The following CHD2 variants were observed in gnomAD, a reference collection of about 807,000 sequenced individuals.
The protein encoded by CHD2 is ATP-dependent chromatin remodeler CHD2.
A neutral mutation model predicts 243.9 loss-of-function variants in CHD2; 28 were observed. The observed-to-expected ratio is 0.11, with a 90% confidence interval of 0.09 to 0.16. CHD2 has a LOEUF of 0.16. Ranked by LOEUF, CHD2 falls within the 10% of genes least tolerant of loss-of-function variation. CHD2 has a pLI of 1.00. For synonymous variants in CHD2, 775 were observed against 779.0 expected, an observed-to-expected ratio of 0.99 and a Z score of 0.09; for missense variants, 1,386 against 2,209.8, an observed-to-expected ratio of 0.63 and a Z score of 7.47.
chr15:92,982,396 G>A (rs2141848270), intron 24 of CHD2, among the ~76,000 whole-genome samples: 1 of 152,348 alleles, frequency 6.6e-6, no homozygotes, highest in Middle Eastern at 3.4e-3. Context: ...GGAGTCAGCT[G>A]AATTGAGATG....
At chr15:92,937,317 T>G (rs530267048) in intron 5 of CHD2, among the ~76,000 whole-genome samples, 4 of 152,320 alleles carry the variant, frequency 2.6e-5, no homozygotes, top group African/African-American at 9.6e-5. Context: ...TTTTTGTTAC[T>G]GGAGATAAAA....
At chr15:92,911,938 C>G (rs1250009769) in intron 2 of CHD2, among the ~76,000 whole-genome samples, 1 of 152,166 alleles carries the variant, frequency 6.6e-6, no homozygotes, top group Non-Finnish European at 1.5e-5. Context: ...GTTCAAAAGG[C>G]CATGACTCTA....
chr15:92,902,169 G>A (rs1596360356), intron 2 of CHD2: 5 of 397,776 alleles, frequency 1.3e-5, no homozygotes, highest in Admixed American at 4.4e-5. Context: ...GATGTATTTC[G>A]ACAGAGTCGT....
chr15:92,903,018 G>A (rs1360866983), intron 2 of CHD2, among the ~76,000 whole-genome samples: 1 of 152,186 alleles, frequency 6.6e-6, no homozygotes, highest in Non-Finnish European at 1.5e-5. Context: ...AGCATGTACT[G>A]ACTGTACTTT....
At chr15:92,951,893 A>C (rs542146161) in intron 13 of CHD2, among the ~76,000 whole-genome samples, 1 of 152,282 alleles carries the variant, frequency 6.6e-6, no homozygotes, top group African/African-American at 2.4e-5. Context: ...CACAGAAGGT[A>C]TTTTTAGAAA....
intron 21 of CHD2, 33 bp from the exon 22 acceptor site, chr15:92,979,102 C>G: frequency 6.2e-7 from 1 of 1,606,722 alleles, no homozygotes; most frequent in South Asian, 1.1e-5. Flanking sequence ...GGGGGTGGTT[C>G]AGGCATAAGC....
At chr15:93,006,016 T>C (rs1307615843) in intron 34 of CHD2, among the ~76,000 whole-genome samples, 3 of 152,104 alleles carry the variant, frequency 2.0e-5, no homozygotes, top group African/African-American at 4.8e-5. Flanking sequence ...CATTGATAAA[T>C]ATACCATGAA....
intron 26 of CHD2, chr15:92,991,217 G>A (rs1351826578): frequency 2.7e-5 from 10 of 373,378 alleles, no homozygotes; most frequent in Non-Finnish European, 4.3e-5. Flanking sequence ...TCTCTAGCAT[G>A]TTATCTAAGC....
At position 92,997,090 on chromosome 15, in the gene CHD2, A is replaced by G. The variant is rs2054197942; in HGVS notation, c.3729A>G (p.Lys1243=). The change falls in exon 29 of 39, where the codon AAA becomes AAG. Residue 1243 remains lysine (K), a synonymous_variant. Coordinates refer to ENST00000394196, the MANE Select transcript of CHD2 (RefSeq NM_001271.4). This position sits in a 1 kb window ranked among gnomAD's most constrained non-coding sequence, Gnocchi z 4.1. ...HKSIPVDPEE[K]KKYCLTCRVK... is the part of the protein sequence containing the mutation. ...CTATCCCTGTGGACCCTGAAGAAAAAAAAAAGTGAGTATATTTTGTGTACA... is the reference window on the plus strand; with the variant it reads ...CTATCCCTGTGGACCCTGAAGAAAAGAAAAAGTGAGTATATTTTGTGTACA... 1.9e-6 allele frequency: 3 copies of G among 1,604,816 alleles called. No individual in the cohort carries two copies. The highest frequency in any genetic ancestry group is 2.2e-5 in the East Asian group (1 of 44,842).
At chr15:92,912,735 T>C (rs1237172229) in intron 2 of CHD2, among the ~76,000 whole-genome samples, 4 of 151,990 alleles carry the variant, frequency 2.6e-5, no homozygotes, top group African/African-American at 4.8e-5. Flanking sequence ...GGGGTTTCAC[T>C]ATGTTGGCCA....
intron 34 of CHD2, among the ~76,000 whole-genome samples, chr15:93,005,721 C>T (rs1464330722): frequency 2.0e-5 from 3 of 151,974 alleles, no homozygotes; most frequent in Admixed American, 2.0e-4. Flanking sequence ...TCTTTTTTGC[C>T]TGTGAGCTCT....
intron 16 of CHD2, among the ~76,000 whole-genome samples, chr15:92,966,335 A>T (rs1385580975): frequency 6.6e-6 from 1 of 152,044 alleles, no homozygotes; most frequent in Non-Finnish European, 1.5e-5. Context: ...AAGTGCTGGG[A>T]TTACAGGTGT....
chr15:92,969,190 TC>T (rs2141832817), intron 17 of CHD2, among the ~76,000 whole-genome samples: 1 of 152,364 alleles, frequency 6.6e-6, no homozygotes, highest in South Asian at 2.1e-4. Context: ...TCTAGATACT[TC>T]CAGTTTACTT....
intron 2 of CHD2, chr15:92,904,292 C>T: frequency 4.7e-6 from 1 of 212,818 alleles, no homozygotes; most frequent in Non-Finnish European, 8.1e-6. Flanking sequence ...GTTCAAAGGC[C>T]GGCCGGCGCC....
At position 93,027,683 on chromosome 15, in the gene CHD2, C is replaced by T. The variant is rs550876489; in HGVS notation, c.*2978C>T. 2 of 152,744 alleles carry T rather than the reference C, an allele frequency of 1.3e-5. No individual in the cohort carries two copies. Among genetic ancestry groups the T allele is most frequent in the Admixed American group, 6.5e-5 (1 of 15,284 alleles). 9.5% of individuals were successfully genotyped at this position (152,744 alleles called of 1,614,324 possible). On this transcript the variant is annotated 3_prime_UTR_variant, in exon 39 of 39. Transcript: ENST00000394196. ...CAGGAGCAGCAGCCCAGGCCCAGCACCAGCGGTCTTCCGGCTCCTCTGAGG... is the reference window on the plus strand; with the variant it reads ...CAGGAGCAGCAGCCCAGGCCCAGCATCAGCGGTCTTCCGGCTCCTCTGAGG...
At chr15:92,904,375 C>T (rs1216760550) in intron 2 of CHD2, 6 of 908,882 alleles carry the variant, frequency 6.6e-6, no homozygotes, top group South Asian at 5.0e-5. Context: ...CGGCAGCCTC[C>T]GCCCCGTGAC....
rs572686042 is a variant in CHD2, at chr15:93,005,664, G to A, written c.4413+913G>A. ...AGTTCTCTAAAACCTATACACGTAT[G>A]TATATAGATATTGTTTTCTTTGCAC... On this transcript the variant is annotated intron_variant, in intron 34 of 38. Coordinates refer to ENST00000394196, the MANE Select transcript of CHD2 (RefSeq NM_001271.4). Among the ~76,000 whole-genome samples, 10 of 152,278 alleles carry A rather than the reference G, an allele frequency of 6.6e-5. No homozygotes were observed. The South Asian group carries it at 2.1e-3, about 32-fold the overall frequency.
chr15:93,004,568 G>A (rs777297570), intron 33 of CHD2, 49 bp from the exon 34 acceptor site: 28 of 1,538,068 alleles, frequency 1.8e-5, no homozygotes, highest in Non-Finnish European at 2.4e-5. Flanking sequence ...TAAATCGCAC[G>A]GTAGGATTGC....
chr15:92,929,111 AATT>A lies in CHD2; in HGVS notation c.443+24_443+26del, dbSNP rs1567128977. 1 of 1,589,812 alleles carries A rather than the reference AATT, an allele frequency of 6.3e-7. No homozygotes were observed. The highest frequency in any genetic ancestry group is 8.6e-7 in the Non-Finnish European group (1 of 1,165,296). On this transcript the variant is annotated intron_variant, in intron 5 of 38. Transcript: ENST00000394196. ...AAAACAGTAAGTCTTTCATGGGGGA[AATT>A]ATTCAATCTAGTAGTTTCAAACTTG...
Sources: allele counts gnomAD v4.1 joint callset (sites outside exome capture counted in the v4.1 genomes callset), GRCh38; gene constraint gnomAD v4.1.1; non-coding constraint Gnocchi (gnomAD v3.1); transcripts MANE v1.5; gene names NCBI Gene and HGNC (gene_info 2026-07-23, HGNC 2026-07-21).